SLC9B2: variants seen among roughly 807,000 people sequenced by gnomAD.
SLC9B2 encodes the protein solute carrier family 9 member B2, also known as sodium/hydrogen exchanger 9B2.
Under a neutral mutation model 52.2 loss-of-function variants are expected in SLC9B2, and 39 were observed. The observed-to-expected ratio is 0.75, with a 90% CI of 0.58 to 0.98. The LOEUF (loss-of-function observed/expected upper bound fraction) is 0.98, where lower values mean the gene tolerates loss of function less well. Ranked by LOEUF, SLC9B2 falls within the 50% of genes least tolerant of loss-of-function variation. SLC9B2 has a pLI of 0.00. For missense variants in SLC9B2, 626 were observed against 637.5 expected (o/e 0.98, Z 0.19); for synonymous variants, 214 against 227.0 (o/e 0.94, Z 0.51).
At chr4:103,064,142 G>A (rs1035408048) in intron 3 of SLC9B2, among the ~76,000 whole-genome samples, 3 of 152,200 alleles carry the variant, frequency 2.0e-5, no homozygotes, top group African/African-American at 7.2e-5. Context: ...TCCCATTACT[G>A]GGTATGTATC....
intron 9 of SLC9B2, among the ~76,000 whole-genome samples, chr4:103,034,661 TC>T: frequency 6.6e-6 from 1 of 152,272 alleles, no homozygotes; most frequent in African/African-American, 2.4e-5. Flanking sequence ...CGGACACTTC[TC>T]AAAAGGACAC....
In SLC9B2 at chr4:103,031,701, T is replaced by C; in HGVS notation, c.1254A>G (p.Val418=). 1 of 1,609,056 alleles carries C rather than the reference T, an allele frequency of 6.2e-7. No individual in the cohort carries two copies. Among genetic ancestry groups the C allele is most frequent in the Non-Finnish European group, 8.5e-7 (1 of 1,177,366 alleles). The change falls in exon 10 of 12, where the codon GTA becomes GTG. Residue 418 remains valine, a splice_region_variant and synonymous_variant. Transcript: ENST00000394785. Reference sequence around the variant, plus strand: ...AAAAGCACATTTTGAAATTCTTACCTACAGTTTCTGGTCTGAGAGATGCAA... The same window carrying C: ...AAAAGCACATTTTGAAATTCTTACCCACAGTTTCTGGTCTGAGAGATGCAA... ...VSIASLRPET[V]GLCVATVGIA... is the part of the protein sequence containing the mutation.
At chr4:103,072,139 A>T (rs1160913480) in intron 1 of SLC9B2, among the ~76,000 whole-genome samples, 4 of 142,706 alleles carry the variant, frequency 2.8e-5, no homozygotes, top group Non-Finnish European at 4.5e-5. Flanking sequence ...GCTCACTGCA[A>T]CCTCTGCCTT....
chr4:103,037,802 CAT>C (rs1198124938), intron 9 of SLC9B2, among the ~76,000 whole-genome samples: 1 of 151,924 alleles, frequency 6.6e-6, no homozygotes, highest in Non-Finnish European at 1.5e-5. Flanking sequence ...CATCCTTCCA[CAT>C]ATCTTTAAAT....
intron 11 of SLC9B2, 152 bp from the exon 12 acceptor site, chr4:103,026,743 C>T (rs562654662): frequency 2.4e-4 from 158 of 645,238 alleles, no homozygotes; most frequent in East Asian, 1.1e-3. Flanking sequence ...TGCTAAATGA[C>T]GAGTTAATGG....
At position 103,062,368 on chromosome 4, in the gene SLC9B2, G is replaced by A. The variant is rs1196706187; in HGVS notation, c.271+3959C>T. ...CAGGAGGTGGAGCTTGCAGTGAGCC[G>A]AGATCGAGCCATTGCACTCCAGCCT... On this transcript the variant is annotated intron_variant, in intron 3 of 11. Transcript: ENST00000394785. Among the ~76,000 whole-genome samples, 6 of 150,534 alleles carry A rather than the reference G, an allele frequency of 4.0e-5. No homozygotes were observed. In the East Asian group the frequency reaches 9.8e-4, roughly 25 times the overall value.
Position 103,057,948 on chromosome 4 carries a change from C to G in SLC9B2, c.295G>C (p.Ala99Pro). 1 of 1,611,842 alleles carries G rather than the reference C, an allele frequency of 6.2e-7. No individual in the cohort carries two copies. Among genetic ancestry groups the G allele is most frequent in the Non-Finnish European group, 8.5e-7 (1 of 1,179,530 alleles). ...CTGCCAGTAATTGACCAAACTACAG[C>G]CCACAGAAGAACAATGATGGTAACT... Reference protein sequence around the residue: ...TNVTIIVLLWAVVWSITGSEC... With the variant: ...TNVTIIVLLWPVVWSITGSEC... The change falls in exon 4 of 12, where the codon GCT (alanine) becomes CCT (proline). Residue 99 changes from alanine (A) to proline (P), a missense_variant. Coordinates refer to ENST00000394785, the MANE Select transcript of SLC9B2 (RefSeq NM_178833.7).
chr4:103,019,962 G>C (rs1741673635), downstream of SLC9B2: 1 of 984,152 alleles, frequency 1.0e-6, no homozygotes, highest in African/African-American at 1.8e-5. Flanking sequence ...GCATGTGCCA[G>C]AAGTAAACTT....
chr4:103,064,148 G>A (rs1279456635), intron 3 of SLC9B2, among the ~76,000 whole-genome samples: 1 of 152,202 alleles, frequency 6.6e-6, no homozygotes, highest in African/African-American at 2.4e-5. Flanking sequence ...TACTGGGTAT[G>A]TATCCAAAGG....
intron 4 of SLC9B2, among the ~76,000 whole-genome samples, chr4:103,057,256 A>ATGTG (rs1390656052): frequency 5.6e-4 from 77 of 137,338 alleles, no homozygotes; most frequent in South Asian, 2.0e-3. Flanking sequence ...ATATATATAT[A>ATGTG]TATATATATA....
intron 6 of SLC9B2, 199 bp downstream of exon 6, chr4:103,048,694 T>C (rs1744389037): frequency 3.6e-6 from 2 of 557,890 alleles, no homozygotes; most frequent in African/African-American, 1.9e-5. Flanking sequence ...GTTTGAATAG[T>C]AGGTGCTAAC....
chr4:103,070,859 G>A (rs1284765021), intron 1 of SLC9B2, among the ~76,000 whole-genome samples: 1 of 152,146 alleles, frequency 6.6e-6, no homozygotes, highest in Admixed American at 6.5e-5. Flanking sequence ...ATTGAGAGCA[G>A]CATTAGTGAC....
chr4:103,036,408 T>C lies in SLC9B2; in HGVS notation c.1147-4600A>G, dbSNP rs530263825. Reference sequence around the variant, plus strand: ...GTGGCAGGAGGGGGAGGATTGAAAATAGTATGCTGATTACCTGGGTGACAA... The same window carrying C: ...GTGGCAGGAGGGGGAGGATTGAAAACAGTATGCTGATTACCTGGGTGACAA... On this transcript the variant is annotated intron_variant, in intron 9 of 11. Coordinates refer to ENST00000394785, the MANE Select transcript of SLC9B2 (RefSeq NM_178833.7). Among the ~76,000 whole-genome samples, 82 of 151,620 alleles carry C rather than the reference T, an allele frequency of 5.4e-4. No individual in the cohort carries two copies. The Middle Eastern group carries it at 0.01, about 19-fold the overall frequency.
At chr4:103,030,077 G>A (rs1393635781) in intron 10 of SLC9B2, among the ~76,000 whole-genome samples, 4 of 152,066 alleles carry the variant, frequency 2.6e-5, no homozygotes, top group Admixed American at 1.3e-4. Flanking sequence ...ATTCCCAGAA[G>A]GAAACATTGA....
intron 9 of SLC9B2, among the ~76,000 whole-genome samples, chr4:103,033,595 T>C (rs988387893): frequency 3.3e-5 from 5 of 152,122 alleles, no homozygotes; most frequent in Non-Finnish European, 7.4e-5. Context: ...TTCTAGATCT[T>C]ATAAACAACT....
At chr4:103,077,008 C>T (rs1203118750), upstream of SLC9B2, 2 of 152,216 alleles carry the variant, frequency 1.3e-5, no homozygotes, top group African/African-American at 4.8e-5. Flanking sequence ...CGCTTAACAC[C>T]TGCCCTTCTT....
chr4:103,075,859 T>C (rs1237355530), intron 1 of SLC9B2, among the ~76,000 whole-genome samples: 1 of 152,122 alleles, frequency 6.6e-6, no homozygotes, highest in Non-Finnish European at 1.5e-5. Flanking sequence ...TACTGAGATG[T>C]TTTACTTTAT....
At position 103,026,195 on chromosome 4, in the gene SLC9B2, A is replaced by G. The variant is rs1742187823; in HGVS notation, c.*175T>C. The G allele has an allele frequency of 6.9e-6, 4 of 578,038 alleles. No homozygotes were observed. In the South Asian group the frequency reaches 1.1e-4, roughly 15 times the overall value. 35.8% of individuals were successfully genotyped at this position (578,038 alleles called of 1,614,324 possible). A position where few individuals can be genotyped will look rare whatever the true frequency, so the allele number is the denominator to read the frequency against. On this transcript the variant is annotated 3_prime_UTR_variant, in exon 12 of 12. Coordinates refer to ENST00000394785, the MANE Select transcript of SLC9B2 (RefSeq NM_178833.7). ...AAAGGCAGAGAGATTAAGGTTGGTG[A>G]TATAGATCATTACCACCCACATGGA...
At chr4:103,019,755 C>T, downstream of SLC9B2, 1 of 985,576 alleles carries the variant, frequency 1.0e-6, no homozygotes, top group Non-Finnish European at 1.2e-6. Context: ...GGCGGCAGCG[C>T]GTTTAAGTGA....
Sources: gnomAD v4.1 joint callset for allele counts (sites outside exome capture counted in the v4.1 genomes callset) on GRCh38, gnomAD v4.1.1 for gene constraint, MANE v1.5 for transcripts, NCBI Gene and HGNC (gene_info 2026-07-23, HGNC 2026-07-21) for gene names.